OTUD7A: variants seen among roughly 807,000 people sequenced by gnomAD.
The protein encoded by OTUD7A is OTU domain-containing protein 7A.
Under a neutral mutation model 65.7 loss-of-function variants are expected in OTUD7A, and 12 were observed. That is an observed-to-expected ratio of 0.18 (90% CI 0.12 to 0.30). The LOEUF (loss-of-function observed/expected upper bound fraction) is 0.30, where lower values mean the gene tolerates loss of function less well. OTUD7A is among the 10% of genes least tolerant of loss of function. The pLI is 1.00. For missense variants in OTUD7A, 1,148 were observed against 1,304.8 expected (o/e 0.88, Z 1.85); for synonymous variants, 641 against 586.3 (o/e 1.09, Z -1.35).
At chr15:31,717,472 T>C (rs1215091647) in intron 1 of OTUD7A, among the ~76,000 whole-genome samples, 2 of 152,222 alleles carry the variant, frequency 1.3e-5, no homozygotes, top group African/African-American at 4.8e-5. Flanking sequence ...CTCCCACTTA[T>C]GAGTGAGAAC....
chr15:31,590,590 G>A (rs1889694267), intron 3 of OTUD7A, among the ~76,000 whole-genome samples: 1 of 152,054 alleles, frequency 6.6e-6, no homozygotes. Flanking sequence ...TTATCTTATT[G>A]TTGTATGAAT....
At chr15:31,766,206 T>C (rs1336464629) in intron 1 of OTUD7A, 1 of 1,524,082 alleles carries the variant, frequency 6.6e-7, no homozygotes, top group Admixed American at 1.7e-5. Flanking sequence ...GTCCACTTCT[T>C]CAGCACAGCA....
intron 1 of OTUD7A, among the ~76,000 whole-genome samples, chr15:31,810,495 C>T (rs192399954): frequency 1.5e-4 from 23 of 152,244 alleles, no homozygotes; most frequent in African/African-American, 4.1e-4. Context: ...TTCATGCATG[C>T]GTAGAAAAGA....
At chr15:31,609,280 T>C (rs1346578784) in intron 3 of OTUD7A, among the ~76,000 whole-genome samples, 1 of 152,184 alleles carries the variant, frequency 6.6e-6, no homozygotes, top group Non-Finnish European at 1.5e-5. Context: ...GGGGAGGAAC[T>C]AAAGCCCTTT....
chr15:31,734,394 GA>G (rs561362387), intron 1 of OTUD7A, among the ~76,000 whole-genome samples: 1 of 152,112 alleles, frequency 6.6e-6, no homozygotes, highest in Non-Finnish European at 1.5e-5. Flanking sequence ...CATAGAACTA[GA>G]AAAAAGTATC....
At chr15:31,558,412 T>A (rs1241830606) in intron 5 of OTUD7A, 1 of 153,948 alleles carries the variant, frequency 6.5e-6, no homozygotes, top group Non-Finnish European at 1.4e-5. Context: ...GAGGTCAGGT[T>A]TTGTGCTTCC....
At position 31,526,334 on chromosome 15, in the gene OTUD7A, A is replaced by G; in HGVS notation, c.893+15T>C. On this transcript the variant is annotated intron_variant, in intron 8 of 12. Coordinates refer to ENST00000307050, the MANE Select transcript of OTUD7A (RefSeq NM_001382637.1). The stretch of plus-strand genomic sequence containing the variant: ...GCTGGAGGTGACTTCTGGGGAGAGC[A>G]GGGGCAGCACTTACCCCCCGCCCGT... 1 of 1,574,698 alleles carries G rather than the reference A, an allele frequency of 6.4e-7. No individual in the cohort carries two copies. Among genetic ancestry groups the G allele is most frequent in the Admixed American group, 1.8e-5 (1 of 56,920 alleles).
chr15:31,846,747 C>T (rs1446654819), intron 1 of OTUD7A, among the ~76,000 whole-genome samples: 3 of 152,116 alleles, frequency 2.0e-5, no homozygotes, highest in African/African-American at 4.8e-5. Flanking sequence ...AAATGATGTC[C>T]GTGACAAGAA....
chr15:31,635,943 C>A (rs1264697201), intron 3 of OTUD7A, among the ~76,000 whole-genome samples: 2 of 152,234 alleles, frequency 1.3e-5, no homozygotes, highest in Non-Finnish European at 2.9e-5. Flanking sequence ...GGGGGCGTGG[C>A]AGTTCCTGCC....
intron 1 of OTUD7A, among the ~76,000 whole-genome samples, chr15:31,683,561 T>C (rs1243369152): frequency 3.3e-5 from 5 of 152,192 alleles, no homozygotes; most frequent in Admixed American, 3.3e-4. Context: ...AATATGGTTG[T>C]GGTGGTGATT....
At chr15:31,711,029 G>A (rs780061271) in intron 1 of OTUD7A, among the ~76,000 whole-genome samples, 43 of 151,030 alleles carry the variant, frequency 2.8e-4, no homozygotes, top group African/African-American at 3.7e-4. Flanking sequence ...TGTGTATTTC[G>A]GTTCATGTTC....
intron 1 of OTUD7A, among the ~76,000 whole-genome samples, chr15:31,733,468 C>G (rs1338449809): frequency 1.3e-5 from 2 of 152,212 alleles, no homozygotes; most frequent in Non-Finnish European, 2.9e-5. Flanking sequence ...TGCTGCTCAG[C>G]CTGACTAATT....
chr15:31,612,014 G>GTTTA (rs1890439288), intron 3 of OTUD7A, among the ~76,000 whole-genome samples: 2 of 152,216 alleles, frequency 1.3e-5, no homozygotes, highest in Admixed American at 1.3e-4. Flanking sequence ...GTTGATAAAT[G>GTTTA]TGATACACCA....
At chr15:31,727,189 A>G (rs1893915506) in intron 1 of OTUD7A, among the ~76,000 whole-genome samples, 1 of 152,290 alleles carries the variant, frequency 6.6e-6, no homozygotes, top group Admixed American at 6.5e-5. Flanking sequence ...CTGGTATCCC[A>G]TACTCCAAGT....
chr15:31,767,549 A>G, intron 1 of OTUD7A: 1 of 785,662 alleles, frequency 1.3e-6, no homozygotes. Context: ...TGGCCCCATT[A>G]TATATTGGGG....
At chr15:31,614,836 T>C (rs1890537102) in intron 3 of OTUD7A, among the ~76,000 whole-genome samples, 1 of 152,118 alleles carries the variant, frequency 6.6e-6, no homozygotes, top group Non-Finnish European at 1.5e-5. Flanking sequence ...AGAATCAAAT[T>C]ATGGGACAAT....
At chr15:31,534,068 C>T (rs1266178412) in intron 5 of OTUD7A, among the ~76,000 whole-genome samples, 1 of 152,098 alleles carries the variant, frequency 6.6e-6, no homozygotes, top group African/African-American at 2.4e-5. Flanking sequence ...ATTACACAAG[C>T]TCCTCCAGAA....
chr15:31,648,754 CTTTAT>C (rs749117922), intron 3 of OTUD7A, among the ~76,000 whole-genome samples: 5 of 152,098 alleles, frequency 3.3e-5, no homozygotes, highest in African/African-American at 1.2e-4. Context: ...TGCCCCCTGC[CTTTAT>C]TTTATTATTA....
chr15:31,750,648 C>A (rs1894608538), intron 1 of OTUD7A, among the ~76,000 whole-genome samples: 1 of 152,102 alleles, frequency 6.6e-6, no homozygotes, highest in Non-Finnish European at 1.5e-5. Context: ...GGTACTGACA[C>A]AAAAGTGGAC....
Sources: allele counts gnomAD v4.1 joint callset (sites outside exome capture counted in the v4.1 genomes callset), GRCh38; gene constraint gnomAD v4.1.1; transcripts MANE v1.5; gene names NCBI Gene and HGNC (gene_info 2026-07-23, HGNC 2026-07-21).